PGD: variants seen among roughly 807,000 people sequenced by gnomAD.
The protein encoded by PGD is phosphogluconate dehydrogenase, also known as 6-phosphogluconate dehydrogenase, decarboxylating.
Under a neutral mutation model 60.4 loss-of-function variants are expected in PGD, and 21 were observed. That is an observed-to-expected ratio of 0.35 (90% confidence interval 0.25 to 0.50). The LOEUF is 0.50. PGD is among the 20% of genes least tolerant of loss of function. PGD has a pLI of 0.98. For synonymous variants in PGD, 230 were observed against 235.9 expected (o/e 0.97, Z 0.23); for missense variants, 477 against 613.1 (o/e 0.78, Z 2.34).
intron 8 of PGD, chr1:10,415,412 A>C (rs532026164): frequency 6.6e-6 from 1 of 152,296 alleles, no homozygotes; most frequent in South Asian, 2.1e-4. Flanking sequence ...AGGATCTCAG[A>C]ATCCTACTCT....
At chr1:10,412,918 C>G in intron 7 of PGD, 144 bp from the exon 8 acceptor site, 2 of 637,494 alleles carry the variant, frequency 3.1e-6, no homozygotes, top group Non-Finnish European at 5.5e-6. Context: ...TAAAACTCAA[C>G]CAGCAGGAGC....
intron 8 of PGD, among the ~76,000 whole-genome samples, chr1:10,414,011 A>G (rs1398262529): frequency 6.6e-6 from 1 of 152,046 alleles, no homozygotes; most frequent in Admixed American, 6.6e-5. Context: ...AGCCAAGATC[A>G]TGCCACTGCA....
rs1639363558 is a variant in PGD at position 10,404,282 on chromosome 1, G to A, written c.449+3G>A. 1 of 1,582,674 alleles carries A rather than the reference G, an allele frequency of 6.3e-7. No individual in the cohort carries two copies. The stretch of plus-strand genomic sequence containing the variant: ...CCAGGAGGGAACAAAGAAGCGTGGT[G>A]AGTGCCATCAGCACTGTGCCCATCT... On this transcript the variant is annotated splice_donor_region_variant and intron_variant, in intron 5 of 12. Transcript: ENST00000270776.
intron 3 of PGD, among the ~76,000 whole-genome samples, chr1:10,402,126 G>C (rs1639326363): frequency 6.6e-6 from 1 of 152,192 alleles, no homozygotes; most frequent in South Asian, 2.1e-4. Flanking sequence ...GTCTCTTCCT[G>C]ACCTCCGAAC....
intron 6 of PGD, among the ~76,000 whole-genome samples, chr1:10,408,969 GA>G (rs1380132149): frequency 1.3e-5 from 2 of 152,070 alleles, no homozygotes; most frequent in South Asian, 2.1e-4. Context: ...GCTGTGGATG[GA>G]AAAAAGCATT....
chr1:10,419,716 T>C lies in PGD; in HGVS notation c.1419T>C (p.Gly473=), dbSNP rs1263400276. ...TCCACACCAACTGGACAGGCCATGG[T>C]GGCACCGTGTCATCCTCGTCATACA... ...QFIHTNWTGH[G]GTVSSSSYNA Residue 473 remains glycine (G), a synonymous_variant, in exon 13 of 13, where the codon GGT becomes GGC. Transcript: ENST00000270776. 6.2e-7 allele frequency: 1 copy of C among 1,614,240 alleles called. No homozygotes were observed.
At chr1:10,415,230 G>C (rs901530255) in intron 8 of PGD, 1 of 152,166 alleles carries the variant, frequency 6.6e-6, no homozygotes, top group Non-Finnish European at 1.5e-5. Context: ...CTATTGAACT[G>C]TGTGGTGTAA....
chr1:10,408,286 C>T, intron 6 of PGD, 146 bp downstream of exon 6: 1 of 655,390 alleles, frequency 1.5e-6, no homozygotes, highest in Non-Finnish European at 2.8e-6. Context: ...ATAGCCAACG[C>T]CTAGAATGCA....
At chr1:10,411,130 G>A (rs1639492461) in intron 6 of PGD, among the ~76,000 whole-genome samples, 1 of 152,110 alleles carries the variant, frequency 6.6e-6, no homozygotes, top group Non-Finnish European at 1.5e-5. Context: ...AGAAAGAGTA[G>A]AAAATACAGG....
chr1:10,415,692 C>T (rs1639583151), intron 8 of PGD, among the ~76,000 whole-genome samples: 1 of 152,200 alleles, frequency 6.6e-6, no homozygotes, highest in Non-Finnish European at 1.5e-5. Flanking sequence ...GCCATAGCTG[C>T]TCCTCTTTCC....
chr1:10,409,356 A>C (rs1383544174), intron 6 of PGD, among the ~76,000 whole-genome samples: 1 of 152,140 alleles, frequency 6.6e-6, no homozygotes, highest in African/African-American at 2.4e-5. Context: ...TGCTTAGGGT[A>C]GAAAGAGGCT....
chr1:10,413,125 C>G lies in PGD; in HGVS notation c.718C>G (p.Leu240Val). ...CCTGATTGAAATCACAGCCAATATT[C>G]TCAAGTTCCAAGACACCGATGGCAA... is the stretch of plus-strand genomic sequence containing the variant. ...SFLIEITANILKFQDTDGKHL... is the reference protein window; with the variant it reads ...SFLIEITANIVKFQDTDGKHL... The change falls in exon 8 of 13, where the codon CTC becomes GTC. Residue 240 changes from leucine (L) to valine (V), a missense_variant. Physicochemically the swap from Leu to Val is conservative, Grantham distance 32. Coordinates refer to ENST00000270776, the MANE Select transcript of PGD (RefSeq NM_002631.4). 6.2e-7 allele frequency: 1 copy of G among 1,614,068 alleles called. No homozygotes were observed. The highest frequency in any genetic ancestry group is 8.5e-7 in the Non-Finnish European group (1 of 1,179,966).
rs1224874105 is a variant in PGD at position 10,419,757 on chromosome 1, G to A, written c.*8G>A. ...TCGTCATACAATGCCTGATCATGCT[G>A]CTCCTGTCACCCTCCACGATTCCAC... On this transcript the variant is annotated 3_prime_UTR_variant, in exon 13 of 13. Transcript: ENST00000270776. 5 of 1,614,126 alleles carry A rather than the reference G, an allele frequency of 3.1e-6. No homozygotes were observed. The highest frequency in any genetic ancestry group is 4.2e-6 in the Non-Finnish European group (5 of 1,180,020).
intron 12 of PGD, 25 bp downstream of exon 12, chr1:10,419,564 C>G (rs775461952): frequency 2.5e-6 from 4 of 1,614,032 alleles, no homozygotes; most frequent in Non-Finnish European, 3.4e-6. Flanking sequence ...CAGGGATTAA[C>G]CTGGCTGGCC....
At chr1:10,402,813 G>C (rs146316408) in intron 3 of PGD, among the ~76,000 whole-genome samples, 1 of 151,890 alleles carries the variant, frequency 6.6e-6, no homozygotes, top group Non-Finnish European at 1.5e-5. Flanking sequence ...GTGAGCCACC[G>C]CGCCTGGCCT....
intron 1 of PGD, 122 bp downstream of exon 1, chr1:10,399,247 G>T: frequency 4.3e-6 from 5 of 1,166,938 alleles, no homozygotes; most frequent in Non-Finnish European, 6.1e-6. Flanking sequence ...GCTCACTTGG[G>T]GCTCTGTGAC....
intron 5 of PGD, 94 bp from the exon 6 acceptor site, chr1:10,407,976 TA>T (rs1252059504): frequency 1.4e-6 from 1 of 728,568 alleles, no homozygotes; most frequent in African/African-American, 1.8e-5. Context: ...AAGGAAAAGA[TA>T]GGGGTTGGTG....
At chr1:10,414,821 G>A (rs549316114) in intron 8 of PGD, among the ~76,000 whole-genome samples, 4 of 151,794 alleles carry the variant, frequency 2.6e-5, no homozygotes, top group East Asian at 2.0e-4. Context: ...GGCCAGGCGC[G>A]GTGGCTCACG....
In PGD at chr1:10,400,381, T is replaced by G; in HGVS notation, c.85-12T>G. On this transcript the variant is annotated splice_polypyrimidine_tract_variant and intron_variant, in intron 2 of 12. Coordinates refer to ENST00000270776, the MANE Select transcript of PGD (RefSeq NM_002631.4). ...GTCCTGGATCTCCTACTCAGGACTT[T>G]TGTCCTTCTAGGTCTGTGCTTTTAA... is the stretch of plus-strand genomic sequence containing the variant. 3 of 1,601,952 alleles carry G rather than the reference T, an allele frequency of 1.9e-6. No homozygotes were observed. The highest frequency in any genetic ancestry group is 2.6e-6 in the Non-Finnish European group (3 of 1,171,506).
Sources: allele counts gnomAD v4.1 joint callset (sites outside exome capture counted in the v4.1 genomes callset), GRCh38; gene constraint gnomAD v4.1.1; transcripts MANE v1.5; gene names NCBI Gene and HGNC (gene_info 2026-07-23, HGNC 2026-07-21).